The following UQCC2 variants were observed in gnomAD, a reference collection of about 807,000 sequenced individuals.
UQCC2 encodes ubiquinol-cytochrome c reductase complex assembly factor 2.
In UQCC2, 21 loss-of-function variants were observed where a neutral mutation model predicts 19.9. The observed-to-expected ratio is 1.05, with a 90% CI of 0.75 to 1.52. The LOEUF (loss-of-function observed/expected upper bound fraction) is 1.52. Ranked by LOEUF, UQCC2 falls within the 40% of genes most tolerant of loss-of-function variation. The pLI is 0.00. For synonymous variants in UQCC2, 57 were observed against 60.9 expected, an observed-to-expected ratio of 0.94 and a Z score of 0.30; for missense variants, 135 against 157.5, an observed-to-expected ratio of 0.86 and a Z score of 0.76.
In UQCC2 at chr6:33,697,575, G is replaced by A. The variant is rs1765578677; in HGVS notation, c.*78C>T. Reference sequence around the variant, plus strand: ...GATTCCCAAACCGTAAGGTCAAGGGGAAACTGGGGCAGTTTTATTGACGAT... The same window carrying A: ...GATTCCCAAACCGTAAGGTCAAGGGAAAACTGGGGCAGTTTTATTGACGAT... On this transcript the variant is annotated 3_prime_UTR_variant, in exon 4 of 4. Coordinates refer to ENST00000607484, the MANE Select transcript of UQCC2 (RefSeq NM_032340.4). The A allele has an allele frequency of 9.0e-7, 1 of 1,115,872 alleles. No individual in the cohort carries two copies. Among genetic ancestry groups the A allele is most frequent in the Non-Finnish European group, 1.3e-6 (1 of 771,666 alleles). 69.1% of individuals were successfully genotyped at this position (1,115,872 alleles called of 1,614,324 possible). A position where few individuals can be genotyped will look rare whatever the true frequency, so the allele number is the denominator to read the frequency against.
Position 33,711,284 on chromosome 6 carries a change from A to G in UQCC2, c.138+265T>C, listed in dbSNP as rs4713666. Reference sequence around the variant, plus strand: ...GCCTCGGCCTCTCAAAGAGTGCTGGAATTATAGGTGTGAACCGCCGCACCC... The same window carrying G: ...GCCTCGGCCTCTCAAAGAGTGCTGGGATTATAGGTGTGAACCGCCGCACCC... On this transcript the variant is annotated intron_variant, in intron 1 of 3. Transcript: ENST00000607484. 0.42 allele frequency among the ~76,000 whole-genome samples: 63,808 copies of G among 151,988 alleles called. 15,751 individuals are homozygous for G. Among genetic ancestry groups the G allele is most frequent in the East Asian group, 0.86 (4,463 of 5,174 alleles).
In UQCC2 at chr6:33,711,698, C is replaced by T. The variant is rs1430141114; in HGVS notation, c.-12G>A. ...CGGCTGGCCGCCATCTTGGGCCCCG[C>T]GTGTTCCCGCCTTAGCGGGAGGAGT... On this transcript the variant is annotated 5_prime_UTR_variant, in exon 1 of 4. Transcript: ENST00000607484. 2 of 1,603,626 alleles carry T rather than the reference C, an allele frequency of 1.2e-6. No individual in the cohort carries two copies. Among genetic ancestry groups the T allele is most frequent in the Non-Finnish European group, 1.7e-6 (2 of 1,176,362 alleles).
chr6:33,704,608 C>A (rs780096585), intron 1 of UQCC2, among the ~76,000 whole-genome samples: 15 of 152,218 alleles, frequency 9.9e-5, no homozygotes, highest in African/African-American at 3.6e-4. Context: ...TGGACCTTCC[C>A]GTCCTGCCAC....
rs181038926 is a variant in UQCC2, at chr6:33,697,479, A to G, written c.*174T>C. On this transcript the variant is annotated 3_prime_UTR_variant, in exon 4 of 4. Coordinates refer to ENST00000607484, the MANE Select transcript of UQCC2 (RefSeq NM_032340.4). ...AGCAGCAGTCACAGCAGATAGCTCA[A>G]TCACCATCCCTTCTCAGGCTGAAAC... is the stretch of plus-strand genomic sequence containing the variant. The G allele has an allele frequency of 3.8e-5, 22 of 581,140 alleles. No homozygotes were observed. The highest frequency in any genetic ancestry group is 3.7e-4 in the African/African-American group (20 of 53,502). 36.0% of individuals were successfully genotyped at this position (581,140 alleles called of 1,614,324 possible).
At chr6:33,709,135 C>T (rs80334334) in intron 1 of UQCC2, among the ~76,000 whole-genome samples, 7,924 of 152,270 alleles carry the variant, frequency 0.052, 346 homozygotes, top group African/African-American at 0.12. Context: ...GTGAATGTTA[C>T]GCTCTCTCAC....
chr6:33,706,933 G>A (rs1338586158), intron 1 of UQCC2, among the ~76,000 whole-genome samples: 1 of 152,246 alleles, frequency 6.6e-6, no homozygotes, highest in Non-Finnish European at 1.5e-5. Flanking sequence ...AGGGTGGTGC[G>A]AGGCAAGGTT....
chr6:33,711,553 G>C lies in UQCC2; in HGVS notation c.134C>G (p.Thr45Ser), dbSNP rs1472437917. The change falls in exon 1 of 4, where the codon ACC becomes AGC. Residue 45 changes from threonine to serine, a missense_variant. Transcript: ENST00000607484. ...AGCCGCCTCCCCGCCGGTCACCTGGGTATTCTCTCCCTCCCGAAAGGCCTG... is the reference window on the plus strand; with the variant it reads ...AGCCGCCTCCCCGCCGGTCACCTGGCTATTCTCTCCCTCCCGAAAGGCCTG... ...VAQAFREGEN[T>S]QVAEPEACDQ... 3 of 1,605,860 alleles carry C rather than the reference G, an allele frequency of 1.9e-6. No homozygotes were observed. Among genetic ancestry groups the C allele is most frequent in the South Asian group, 2.2e-5 (2 of 90,210 alleles).
intron 1 of UQCC2, among the ~76,000 whole-genome samples, chr6:33,710,981 C>T (rs995763652): frequency 2.6e-5 from 4 of 152,176 alleles, no homozygotes; most frequent in African/African-American, 4.8e-5. Flanking sequence ...GCAGAGTTAA[C>T]TGGGGATTAG....
In UQCC2 at chr6:33,697,383, A is replaced by C; in HGVS notation, c.*270T>G. On this transcript the variant is annotated 3_prime_UTR_variant, in exon 4 of 4. Transcript: ENST00000607484. ...GCAATGCAGGAAGCACCTTGTGCCGAGGCCCCATTACCCTCATCAGGCCCA... is the reference window on the plus strand; with the variant it reads ...GCAATGCAGGAAGCACCTTGTGCCGCGGCCCCATTACCCTCATCAGGCCCA... The C allele has an allele frequency of 2.8e-6, 1 of 353,134 alleles. No individual in the cohort carries two copies. Among genetic ancestry groups the C allele is most frequent in the Non-Finnish European group, 5.1e-6 (1 of 196,730 alleles). The allele number at this position is 353,134 out of a possible 1,614,324, so 21.9% of individuals were successfully genotyped here.
intron 1 of UQCC2, among the ~76,000 whole-genome samples, chr6:33,709,437 A>AT (rs58420296): frequency 0.42 from 63,342 of 151,974 alleles, 15,628 homozygotes; most frequent in East Asian, 0.86. Flanking sequence ...GCCAAGAACT[A>AT]GCTAGACACT....
intron 1 of UQCC2, among the ~76,000 whole-genome samples, chr6:33,701,904 C>T (rs1182319447): frequency 6.7e-6 from 1 of 149,936 alleles, no homozygotes; most frequent in Non-Finnish European, 1.5e-5. Flanking sequence ...AGCAGAAGGT[C>T]AGCAAGCAGA....
At chr6:33,700,619 G>T in intron 2 of UQCC2, 106 bp from the exon 3 acceptor site, 1 of 1,183,802 alleles carries the variant, frequency 8.4e-7, no homozygotes, top group Non-Finnish European at 1.2e-6. Flanking sequence ...GAGGCCAGGA[G>T]GCCTAGCAAG....
intron 1 of UQCC2, among the ~76,000 whole-genome samples, chr6:33,706,864 A>C (rs1176352273): frequency 6.6e-6 from 1 of 152,200 alleles, no homozygotes; most frequent in African/African-American, 2.4e-5. Flanking sequence ...AATTGCTTGT[A>C]CCATGGCCAG....
At chr6:33,710,786 C>A (rs1331924540) in intron 1 of UQCC2, among the ~76,000 whole-genome samples, 2 of 152,198 alleles carry the variant, frequency 1.3e-5, no homozygotes, top group Non-Finnish European at 1.5e-5. Context: ...CCGTTCCAGG[C>A]ATATGGTAGG....
chr6:33,707,071 C>G (rs1246616860), intron 1 of UQCC2, among the ~76,000 whole-genome samples: 1 of 152,186 alleles, frequency 6.6e-6, no homozygotes, highest in Non-Finnish European at 1.5e-5. Flanking sequence ...CAGAAGTGGC[C>G]AAGAATTTAT....
At position 33,711,694 on chromosome 6, in the gene UQCC2, C is replaced by T; in HGVS notation, c.-8G>A. On this transcript the variant is annotated 5_prime_UTR_variant, in exon 1 of 4. Coordinates refer to ENST00000607484, the MANE Select transcript of UQCC2 (RefSeq NM_032340.4). ...GTACCGGCTGGCCGCCATCTTGGGC[C>T]CCGCGTGTTCCCGCCTTAGCGGGAG... is the stretch of plus-strand genomic sequence containing the variant. The T allele has an allele frequency of 6.2e-7, 1 of 1,603,290 alleles. No homozygotes were observed. Among genetic ancestry groups the T allele is most frequent in the South Asian group, 1.1e-5 (1 of 89,854 alleles).
intron 1 of UQCC2, among the ~76,000 whole-genome samples, chr6:33,709,576 T>G (rs1248954713): frequency 6.6e-6 from 1 of 152,178 alleles, no homozygotes; most frequent in Non-Finnish European, 1.5e-5. Flanking sequence ...ATAAGATTCT[T>G]GCCTTAAAGA....
chr6:33,697,635 A>C lies in UQCC2; in HGVS notation c.*18T>G, dbSNP rs1294660628. On this transcript the variant is annotated 3_prime_UTR_variant, in exon 4 of 4. Coordinates refer to ENST00000607484, the MANE Select transcript of UQCC2 (RefSeq NM_032340.4). ...CAAGACTCCACACCTAGGTATGTGCACGAGGTAAGGCCTGAGCTCAGGCCT... is the reference window on the plus strand; with the variant it reads ...CAAGACTCCACACCTAGGTATGTGCCCGAGGTAAGGCCTGAGCTCAGGCCT... The C allele has an allele frequency of 2.5e-6, 4 of 1,585,360 alleles. No individual in the cohort carries two copies. Among genetic ancestry groups the C allele is most frequent in the Non-Finnish European group, 2.6e-6 (3 of 1,162,936 alleles).
At chr6:33,698,875 T>C (rs1401120374) in intron 3 of UQCC2, among the ~76,000 whole-genome samples, 1 of 152,226 alleles carries the variant, frequency 6.6e-6, no homozygotes, top group Non-Finnish European at 1.5e-5. Context: ...AATCTAATTT[T>C]ACGTGCATGT....
Sources: allele counts gnomAD v4.1 joint callset (sites outside exome capture counted in the v4.1 genomes callset), GRCh38; gene constraint gnomAD v4.1.1; transcripts MANE v1.5; gene names NCBI Gene and HGNC (gene_info 2026-07-23, HGNC 2026-07-21).